The following HS2ST1 variants were observed in gnomAD, a reference collection of about 807,000 sequenced individuals.
HS2ST1 encodes the protein heparan sulfate 2-O-sulfotransferase 1, also known as 2-O-sulfotransferase.
A neutral mutation model predicts 42.9 loss-of-function variants in HS2ST1; 18 were observed. The ratio of observed to expected loss-of-function variants is 0.42; its 90% CI spans 0.29 to 0.62. The LOEUF is 0.62. Among genes scored for constraint, HS2ST1 ranks in the 20% least tolerant of loss-of-function variants. The probability of loss-of-function intolerance (pLI) is 0.21; values close to 1 mark genes in which losing one functional copy is unlikely to be tolerated. For synonymous variants in HS2ST1, 146 were observed against 152.9 expected (o/e 0.95, Z 0.33); for missense variants, 334 against 433.8 (o/e 0.77, Z 2.04).
chr1:86,981,503 G>T (rs377577288), intron 1 of HS2ST1, among the ~76,000 whole-genome samples: 1 of 152,192 alleles, frequency 6.6e-6, no homozygotes, highest in African/African-American at 2.4e-5. Flanking sequence ...AGATACAGTG[G>T]GGGTACAGGC....
At chr1:86,989,904 C>T (rs933812006) in intron 1 of HS2ST1, among the ~76,000 whole-genome samples, 2 of 151,642 alleles carry the variant, frequency 1.3e-5, no homozygotes, top group Non-Finnish European at 2.9e-5. Context: ...GTGAACTCAT[C>T]CTTTTTATGG....
chr1:87,022,216 AT>A (rs1649970764), intron 1 of HS2ST1, among the ~76,000 whole-genome samples: 1 of 152,248 alleles, frequency 6.6e-6, no homozygotes, highest in Non-Finnish European at 1.5e-5. Flanking sequence ...ACATTAAAAA[AT>A]TCAAGTAAAA....
chr1:87,069,448 A>G (rs965193938), intron 1 of HS2ST1, among the ~76,000 whole-genome samples: 1 of 152,212 alleles, frequency 6.6e-6, no homozygotes, highest in Non-Finnish European at 1.5e-5. Context: ...AAGAATTATA[A>G]CTATCTAATA....
At chr1:87,068,830 T>C (rs1395729768) in intron 1 of HS2ST1, among the ~76,000 whole-genome samples, 1 of 152,146 alleles carries the variant, frequency 6.6e-6, no homozygotes, top group Non-Finnish European at 1.5e-5. Context: ...ATACAAGAAA[T>C]AGAAAATATG....
At position 86,959,572 on chromosome 1, in the gene HS2ST1, C is replaced by T. The variant is rs564029695; in HGVS notation, c.124+44412C>T. On this transcript the variant is annotated intron_variant, in intron 1 of 6. Transcript: ENST00000370550. The stretch of plus-strand genomic sequence containing the variant: ...ACTCGGGAGGCTGAGGCAGGAGAAT[C>T]GCTTGAACCTGGGAGGTGGATGTTG... Among the ~76,000 whole-genome samples, 291 of 152,244 alleles carry T rather than the reference C, an allele frequency of 1.9e-3. 1 individual carries two copies. Among genetic ancestry groups the T allele is most frequent in the African/African-American group, 6.6e-3 (276 of 41,546 alleles).
chr1:87,090,604 T>C (rs1250434500), intron 3 of HS2ST1, among the ~76,000 whole-genome samples: 1 of 152,054 alleles, frequency 6.6e-6, no homozygotes, highest in Non-Finnish European at 1.5e-5. Context: ...GTAGCCCCTC[T>C]GTTTATTCCA....
At chr1:87,004,536 C>T (rs1163816513) in intron 1 of HS2ST1, among the ~76,000 whole-genome samples, 1 of 152,042 alleles carries the variant, frequency 6.6e-6, no homozygotes, top group Non-Finnish European at 1.5e-5. Flanking sequence ...TAGAGGAATG[C>T]ATCATACAGC....
intron 3 of HS2ST1, among the ~76,000 whole-genome samples, chr1:87,092,052 A>G (rs954714640): frequency 9.9e-5 from 15 of 152,090 alleles, no homozygotes; most frequent in Admixed American, 2.6e-4. Context: ...TCATTGCTAC[A>G]TAGTTAATGC....
chr1:86,939,259 T>C (rs903087849), intron 1 of HS2ST1, among the ~76,000 whole-genome samples: 1 of 152,226 alleles, frequency 6.6e-6, no homozygotes, highest in African/African-American at 2.4e-5. Flanking sequence ...TAAAGCTTAG[T>C]TGTAGCTGTG....
chr1:87,045,352 A>C, intron 1 of HS2ST1: 1 of 1,325,876 alleles, frequency 7.5e-7, no homozygotes. Flanking sequence ...TGTGATTATT[A>C]GCTTCTGTCT....
At chr1:86,951,216 C>G (rs1379651273) in intron 1 of HS2ST1, among the ~76,000 whole-genome samples, 1 of 152,174 alleles carries the variant, frequency 6.6e-6, no homozygotes. Context: ...CATCCCCCAC[C>G]ATGCATAGTC....
intron 1 of HS2ST1, among the ~76,000 whole-genome samples, chr1:87,061,158 AT>A (rs1258118428): frequency 6.6e-6 from 1 of 152,216 alleles, no homozygotes; most frequent in African/African-American, 2.4e-5. Flanking sequence ...TAAATGACTA[AT>A]TTATAAACAG....
intron 1 of HS2ST1, among the ~76,000 whole-genome samples, chr1:86,968,230 G>T (rs1553133715): frequency 6.6e-6 from 1 of 152,184 alleles, no homozygotes; most frequent in African/African-American, 2.4e-5. Context: ...CTCCCATTCT[G>T]TGGGTTGTCT....
chr1:87,092,794 A>T, intron 4 of HS2ST1, 125 bp downstream of exon 4: 1 of 510,090 alleles, frequency 2.0e-6, no homozygotes, highest in Non-Finnish European at 3.0e-6. Context: ...TTTTGAAGAG[A>T]ACCCAAAATA....
chr1:86,937,869 T>G (rs750401192), intron 1 of HS2ST1, among the ~76,000 whole-genome samples: 2 of 152,118 alleles, frequency 1.3e-5, no homozygotes, highest in African/African-American at 4.8e-5. Flanking sequence ...CCTACTCTTA[T>G]TTCAGTAATT....
chr1:87,009,971 C>G (rs1175650424), intron 1 of HS2ST1, among the ~76,000 whole-genome samples: 2 of 151,720 alleles, frequency 1.3e-5, no homozygotes, highest in Non-Finnish European at 2.9e-5. Flanking sequence ...GGAGGCAGAG[C>G]TTGCAGTGAG....
intron 1 of HS2ST1, among the ~76,000 whole-genome samples, chr1:86,926,218 C>T (rs1030223926): frequency 1.3e-5 from 2 of 152,132 alleles, no homozygotes; most frequent in East Asian, 1.9e-4. Flanking sequence ...TGAGTGAATT[C>T]CCAAAATTGT....
chr1:87,097,364 C>T (rs72955598), intron 4 of HS2ST1, among the ~76,000 whole-genome samples: 3,588 of 152,214 alleles, frequency 0.024, 72 homozygotes, highest in African/African-American at 0.049. Flanking sequence ...CTGCCTGTTA[C>T]AAGGCAGTAT....
chr1:87,017,482 A>G (rs7552285), intron 1 of HS2ST1, among the ~76,000 whole-genome samples: 108,208 of 152,070 alleles, frequency 0.71, 40,212 homozygotes, highest in East Asian at 0.97. Flanking sequence ...ATCATATGCC[A>G]TAGTCTAGCC....
Sources: allele counts gnomAD v4.1 joint callset (sites outside exome capture counted in the v4.1 genomes callset), GRCh38; gene constraint gnomAD v4.1.1; transcripts MANE v1.5; gene names NCBI Gene and HGNC (gene_info 2026-07-23, HGNC 2026-07-21).